The following SOX6 variants were observed in gnomAD, a reference collection of about 807,000 sequenced individuals.
The protein encoded by SOX6 is SRY-box transcription factor 6, also known as transcription factor SOX-6.
SOX6 carries 11 observed loss-of-function variants against 97.8 expected under a neutral mutation model. The observed-to-expected ratio is 0.11, with a 90% confidence interval of 0.07 to 0.19. SOX6 has a LOEUF of 0.19. Ranked by LOEUF, SOX6 falls within the 10% of genes least tolerant of loss-of-function variation. SOX6 has a pLI of 1.00. For synonymous variants in SOX6, 360 were observed against 371.4 expected (o/e 0.97, Z 0.35); for missense variants, 810 against 1,039.5 (o/e 0.78, Z 3.04).
chr11:16,066,957 T>TG (rs200757266), intron 9 of SOX6, among the ~76,000 whole-genome samples: 1,841 of 152,322 alleles, frequency 0.012, 35 homozygotes, highest in African/African-American at 0.041. Flanking sequence ...TTGACTGCCC[T>TG]GCTGGATTTC....
At chr11:16,014,254 A>G (rs1207001976) in intron 13 of SOX6, among the ~76,000 whole-genome samples, 1 of 152,216 alleles carries the variant, frequency 6.6e-6, no homozygotes, top group African/African-American at 2.4e-5. Context: ...AAGGGAAAAG[A>G]AGCGAACAGG....
chr11:15,975,133 T>A (rs1853436890), intron 15 of SOX6, among the ~76,000 whole-genome samples: 1 of 152,236 alleles, frequency 6.6e-6, no homozygotes, highest in Non-Finnish European at 1.5e-5. Flanking sequence ...ATGATTCTCA[T>A]GGTGAGTTTT....
chr11:16,166,933 G>T (rs903411442), intron 6 of SOX6, among the ~76,000 whole-genome samples: 8 of 152,110 alleles, frequency 5.3e-5, no homozygotes, highest in African/African-American at 1.9e-4. Flanking sequence ...CTGAGAGTAG[G>T]AACCATGTTA....
chr11:16,475,140 T>C (rs1860210170), intron 1 of SOX6, among the ~76,000 whole-genome samples: 1 of 152,238 alleles, frequency 6.6e-6, no homozygotes, highest in Non-Finnish European at 1.5e-5. Flanking sequence ...TGCTTTGGCT[T>C]AAGGGAATGT....
chr11:16,573,827 T>G (rs901250212), intron 4 of SOX6, among the ~76,000 whole-genome samples: 2 of 152,208 alleles, frequency 1.3e-5, no homozygotes, highest in African/African-American at 4.8e-5. Flanking sequence ...CACTAAAGCA[T>G]GTTTGTTCCT....
At chr11:15,992,480 T>C (rs1223238412) in intron 13 of SOX6, among the ~76,000 whole-genome samples, 1 of 152,170 alleles carries the variant, frequency 6.6e-6, no homozygotes, top group East Asian at 1.9e-4. Flanking sequence ...CTCCCAAATA[T>C]GTAGTACTCT....
chr11:16,112,772 T>C (rs993743436), intron 6 of SOX6, among the ~76,000 whole-genome samples: 10 of 152,184 alleles, frequency 6.6e-5, no homozygotes, highest in African/African-American at 2.4e-4. Flanking sequence ...TTTAATTTCC[T>C]AGCTTCCTTC....
chr11:16,560,455 ACATATATGTTTATACG>A, intron 4 of SOX6, among the ~76,000 whole-genome samples: 1 of 149,676 alleles, frequency 6.7e-6, no homozygotes, highest in Non-Finnish European at 1.5e-5. Context: ...GTTTATACGT[ACATATATGTTTATACG>A]TACATATATG....
chr11:16,626,495 T>G (rs1187625359), intron 3 of SOX6, among the ~76,000 whole-genome samples: 1 of 152,202 alleles, frequency 6.6e-6, no homozygotes, highest in African/African-American at 2.4e-5. Context: ...TCCTCCAAAT[T>G]TATTCTTTTT....
intron 4 of SOX6, among the ~76,000 whole-genome samples, chr11:16,540,795 C>G (rs1861394153): frequency 6.6e-6 from 1 of 152,050 alleles, no homozygotes. Flanking sequence ...AGGAGAACTA[C>G]AAACCACTGC....
intron 3 of SOX6, among the ~76,000 whole-genome samples, chr11:16,653,990 A>G (rs1416787549): frequency 2.0e-5 from 3 of 152,094 alleles, no homozygotes; most frequent in African/African-American, 7.2e-5. Context: ...TATTAAATTT[A>G]CCACTATATT....
chr11:16,291,676 G>T (rs1319216125), intron 3 of SOX6, among the ~76,000 whole-genome samples: 1 of 152,090 alleles, frequency 6.6e-6, no homozygotes, highest in Non-Finnish European at 1.5e-5. Context: ...TAGGTAGGCA[G>T]GTAAATTAAT....
chr11:16,594,514 C>G (rs1848188330), intron 4 of SOX6, among the ~76,000 whole-genome samples: 1 of 151,954 alleles, frequency 6.6e-6, no homozygotes, highest in African/African-American at 2.4e-5. Context: ...AGGACTACAG[C>G]TAAGAAATTT....
chr11:16,524,402 G>T (rs1861121984), intron 4 of SOX6, among the ~76,000 whole-genome samples: 1 of 152,052 alleles, frequency 6.6e-6, no homozygotes, highest in Non-Finnish European at 1.5e-5. Flanking sequence ...AATAGATGCA[G>T]AAAAGGCCTT....
At chr11:16,177,144 A>G (rs1182181675) in intron 6 of SOX6, among the ~76,000 whole-genome samples, 1 of 151,974 alleles carries the variant, frequency 6.6e-6, no homozygotes, top group East Asian at 1.9e-4. Flanking sequence ...TTAATTCCCC[A>G]AAAGGTGGAA....
intron 3 of SOX6, among the ~76,000 whole-genome samples, chr11:16,302,564 T>TC: frequency 7.3e-6 from 1 of 137,824 alleles, no homozygotes; most frequent in African/African-American, 2.6e-5. Flanking sequence ...TTTTCTTTTT[T>TC]TCTTTTTTTT....
intron 3 of SOX6, among the ~76,000 whole-genome samples, chr11:16,309,873 T>C (rs1306401225): frequency 1.3e-5 from 2 of 152,098 alleles, no homozygotes; most frequent in East Asian, 1.9e-4. Context: ...AAAATGCTAA[T>C]GATCCACTCA....
intron 3 of SOX6, among the ~76,000 whole-genome samples, chr11:16,274,630 CTT>C (rs1854344481): frequency 6.6e-6 from 1 of 152,124 alleles, no homozygotes; most frequent in South Asian, 2.1e-4. Context: ...TTATTCCCCT[CTT>C]TGCACATTCC....
rs913785995 is a variant in SOX6, at chr11:16,055,677, A to G, written c.1251+75T>C. 12 of 1,590,422 alleles carry G rather than the reference A, an allele frequency of 7.5e-6. No individual in the cohort carries two copies. The East Asian group carries it at 1.3e-4, about 18-fold the overall frequency. Reference sequence around the variant, plus strand: ...CTATGTTTCCTGCTGTTTATGCCCAACATAGCCTGCTTCACTATCTTTCTT... The same window carrying G: ...CTATGTTTCCTGCTGTTTATGCCCAGCATAGCCTGCTTCACTATCTTTCTT... On this transcript the variant is annotated intron_variant, in intron 10 of 15. Transcript: ENST00000683767.
Sources: gnomAD v4.1 joint callset for allele counts (sites outside exome capture counted in the v4.1 genomes callset) on GRCh38, gnomAD v4.1.1 for gene constraint, MANE v1.5 for transcripts, NCBI Gene and HGNC (gene_info 2026-07-23, HGNC 2026-07-21) for gene names.